The following GOLPH3L variants were observed in gnomAD, a reference collection of about 807,000 sequenced individuals.
GOLPH3L encodes Golgi phosphoprotein 3-like.
A neutral mutation model predicts 30.3 loss-of-function variants in GOLPH3L; 22 were observed. The observed-to-expected ratio is 0.73, with a 90% CI of 0.52 to 1.04. The LOEUF is 1.04. Among genes scored for constraint, GOLPH3L ranks in the 50% least tolerant of loss-of-function variants. GOLPH3L has a pLI of 0.00. For synonymous variants in GOLPH3L, 120 were observed against 128.2 expected (o/e 0.94, Z 0.43); for missense variants, 303 against 345.8 (o/e 0.88, Z 0.98).
At chr1:150,679,404 T>C (rs1016987967) in intron 2 of GOLPH3L, among the ~76,000 whole-genome samples, 11 of 152,206 alleles carry the variant, frequency 7.2e-5, no homozygotes, top group African/African-American at 2.7e-4. Flanking sequence ...GACATTTAAG[T>C]TCCTCACCTA....
chr1:150,649,055 C>A (rs1399989345), intron 4 of GOLPH3L, among the ~76,000 whole-genome samples: 1 of 152,174 alleles, frequency 6.6e-6, no homozygotes, highest in South Asian at 2.1e-4. Flanking sequence ...GGACACCAGT[C>A]TCTCCCAGAT....
intron 2 of GOLPH3L, among the ~76,000 whole-genome samples, chr1:150,682,179 G>T (rs1427044735): frequency 2.6e-5 from 4 of 152,016 alleles, no homozygotes; most frequent in African/African-American, 9.7e-5. Context: ...ATTATAGGTG[G>T]TTTTTATTTT....
At chr1:150,682,518 A>G (rs1045343636) in intron 2 of GOLPH3L, among the ~76,000 whole-genome samples, 1 of 149,818 alleles carries the variant, frequency 6.7e-6, no homozygotes, top group Non-Finnish European at 1.5e-5. Flanking sequence ...AGTTCCAGCT[A>G]CTTGGGAAGC....
intron 1 of GOLPH3L, among the ~76,000 whole-genome samples, chr1:150,696,710 G>A (rs1278912832): frequency 7.0e-6 from 1 of 142,670 alleles, no homozygotes; most frequent in East Asian, 2.2e-4. Flanking sequence ...AAATTCTTAA[G>A]CGCACTAAGC....
chr1:150,661,204 G>A (rs747877088), intron 4 of GOLPH3L, among the ~76,000 whole-genome samples: 4 of 152,126 alleles, frequency 2.6e-5, no homozygotes, highest in Non-Finnish European at 5.9e-5. Context: ...CTCCAGCCTG[G>A]ACGACAGAGC....
At position 150,687,659 on chromosome 1, in the gene GOLPH3L, C is replaced by T. The variant is rs181891830; in HGVS notation, c.183+6997G>A. On this transcript the variant is annotated intron_variant, in intron 2 of 4. Transcript: ENST00000271732. ...AGCTTTTACTTCTAATCTCCTATTGCTAATAAAGATGAACTATACTTGATG... is the reference window on the plus strand; with the variant it reads ...AGCTTTTACTTCTAATCTCCTATTGTTAATAAAGATGAACTATACTTGATG... Among the ~76,000 whole-genome samples, 217 of 152,074 alleles carry T rather than the reference C, an allele frequency of 1.4e-3. 1 individual carries two copies. Among genetic ancestry groups the T allele is most frequent in the African/African-American group, 4.8e-3 (199 of 41,512 alleles).
At chr1:150,660,383 A>G (rs1207968436) in intron 4 of GOLPH3L, among the ~76,000 whole-genome samples, 1 of 152,216 alleles carries the variant, frequency 6.6e-6, no homozygotes, top group African/African-American at 2.4e-5. Flanking sequence ...TGATTTCTCA[A>G]AAGGTTAAAC....
intron 1 of GOLPH3L, among the ~76,000 whole-genome samples, chr1:150,695,548 TTG>T (rs1307322817): frequency 6.6e-6 from 1 of 152,092 alleles, no homozygotes; most frequent in Admixed American, 6.6e-5. Context: ...CAACAAAAAA[TTG>T]TGAGCATCCA....
chr1:150,683,262 A>T (rs7536404), intron 2 of GOLPH3L, among the ~76,000 whole-genome samples: 3 of 151,424 alleles, frequency 2.0e-5, no homozygotes, highest in Non-Finnish European at 4.4e-5. Flanking sequence ...ATTGGCCTGG[A>T]GCGGTGGCTC....
Position 150,694,819 on chromosome 1 carries a change from C to T in GOLPH3L, c.20G>A (p.Arg7Gln), listed in dbSNP as rs1414115535. ...CTTGCTTATTTCAGTGCGACGGGCC[C>T]GGTGAGTTAAAGTGGTCATTCTCAC... Reference protein sequence around the residue: MTTLTHRARRTEISKNS... With the variant: MTTLTHQARRTEISKNS... The change falls in exon 2 of 5, where the codon CGG becomes CAG. Residue 7 changes from arginine (R) to glutamine (Q), a missense_variant. Physicochemically the swap from Arg to Gln is conservative, Grantham distance 43. Transcript: ENST00000271732. The T allele has an allele frequency of 5.6e-6, 9 of 1,609,846 alleles. No homozygotes were observed. Among genetic ancestry groups the T allele is most frequent in the South Asian group, 2.2e-5 (2 of 90,384 alleles).
chr1:150,667,728 G>T (rs1230620357), intron 2 of GOLPH3L, among the ~76,000 whole-genome samples: 1 of 151,798 alleles, frequency 6.6e-6, no homozygotes, highest in Non-Finnish European at 1.5e-5. Flanking sequence ...GAGTAGCTGG[G>T]ACTACAGGCG....
At chr1:150,658,137 G>A (rs977069540) in intron 4 of GOLPH3L, among the ~76,000 whole-genome samples, 2 of 152,228 alleles carry the variant, frequency 1.3e-5, no homozygotes, top group East Asian at 1.9e-4. Context: ...AGGATCCCGA[G>A]GACCCCCCGG....
chr1:150,677,507 G>A (rs988667100), intron 2 of GOLPH3L, among the ~76,000 whole-genome samples: 2 of 151,896 alleles, frequency 1.3e-5, no homozygotes, highest in Admixed American at 6.6e-5. Context: ...AAAAAATGCT[G>A]GGATTACAGG....
chr1:150,648,793 G>A lies in GOLPH3L; in HGVS notation c.431-45C>T, dbSNP rs751885932. The A allele has an allele frequency of 1.0e-5, 13 of 1,249,134 alleles. No individual in the cohort carries two copies. The East Asian group carries it at 3.0e-4, about 29-fold the overall frequency. 77.4% of individuals were successfully genotyped at this position (1,249,134 alleles called of 1,614,324 possible). A position where few individuals can be genotyped will look rare whatever the true frequency, so the allele number is the denominator to read the frequency against. On this transcript the variant is annotated intron_variant, in intron 4 of 4. Coordinates refer to ENST00000271732, the MANE Select transcript of GOLPH3L (RefSeq NM_018178.6). The stretch of plus-strand genomic sequence containing the variant: ...GGACATAATGAACTGAAAGAGAAAA[G>A]CAAAATGAAACATGTAGTTGTTTGG...
intron 4 of GOLPH3L, among the ~76,000 whole-genome samples, chr1:150,654,728 C>T (rs1345639924): frequency 6.6e-6 from 1 of 152,182 alleles, no homozygotes; most frequent in Admixed American, 6.5e-5. Context: ...TCCCTCATCC[C>T]TGTACAATAT....
At chr1:150,693,314 G>GAAAAAAA (rs1290316942) in intron 2 of GOLPH3L, among the ~76,000 whole-genome samples, 1 of 152,140 alleles carries the variant, frequency 6.6e-6, no homozygotes, top group African/African-American at 2.4e-5. Flanking sequence ...GAATTATGTA[G>GAAAAAAA]AAAAGAAGAG....
intron 2 of GOLPH3L, among the ~76,000 whole-genome samples, chr1:150,677,235 CTATT>C (rs1225462542): frequency 2.6e-5 from 4 of 151,014 alleles, no homozygotes; most frequent in Non-Finnish European, 5.9e-5. Context: ...CGTGCCTGGC[CTATT>C]TATTTATTTA....
chr1:150,653,226 G>C (rs890679859), intron 4 of GOLPH3L, among the ~76,000 whole-genome samples: 2 of 149,164 alleles, frequency 1.3e-5, no homozygotes, highest in African/African-American at 4.9e-5. Flanking sequence ...CACAAAAAGA[G>C]GGAGAGGGAA....
Position 150,650,358 on chromosome 1 carries a change from A to G in GOLPH3L, c.431-1610T>C, listed in dbSNP as rs1208436103. ...ACTACAAGAGAAACAGACTTCAGAG[A>G]GCTGCTGCAGGCAAGTCACTAAGGA... On this transcript the variant is annotated intron_variant, in intron 4 of 4. Coordinates refer to ENST00000271732, the MANE Select transcript of GOLPH3L (RefSeq NM_018178.6). 2.0e-5 allele frequency among the ~76,000 whole-genome samples: 3 copies of G among 152,356 alleles called. No homozygotes were observed. The Middle Eastern group carries it at 0.01, about 518-fold the overall frequency.
Sources: gnomAD v4.1 joint callset for allele counts (sites outside exome capture counted in the v4.1 genomes callset) on GRCh38, gnomAD v4.1.1 for gene constraint, MANE v1.5 for transcripts, NCBI Gene and HGNC (gene_info 2026-07-23, HGNC 2026-07-21) for gene names.